The following MACROD2 variants were observed in gnomAD, a reference collection of about 807,000 sequenced individuals.
MACROD2 encodes ADP-ribose glycohydrolase MACROD2.
In MACROD2, 36 loss-of-function variants were observed where a neutral mutation model predicts 70.4. The observed-to-expected ratio is 0.51, with a 90% CI of 0.39 to 0.68. The LOEUF is 0.68. MACROD2 is among the 30% of genes least tolerant of loss of function. The pLI is 0.00. For synonymous variants in MACROD2, 172 were observed against 178.8 expected (o/e 0.96, Z 0.30); for missense variants, 496 against 538.4 (o/e 0.92, Z 0.78).
rs144316697 is a variant in MACROD2, at chr20:15,005,975, T to G, written c.419-223965T>G. 2.6e-3 allele frequency among the ~76,000 whole-genome samples: 397 copies of G among 152,272 alleles called. 2 individuals carry two copies. Among genetic ancestry groups the G allele is most frequent in the African/African-American group, 9.1e-3 (377 of 41,540 alleles). ...TAATGATATAAACTTTTGTAATATA[T>G]AAGGACTCTACCTGACATATCGTCT... On this transcript the variant is annotated intron_variant, in intron 5 of 17. Coordinates refer to ENST00000684519, the MANE Select transcript of MACROD2 (RefSeq NM_001351661.2).
chr20:15,786,100 A>G (rs1464733336), intron 8 of MACROD2, among the ~76,000 whole-genome samples: 1 of 151,974 alleles, frequency 6.6e-6, no homozygotes, highest in Non-Finnish European at 1.5e-5. Context: ...TAACAAAAGG[A>G]GAATAAGATG....
At chr20:14,237,049 G>T (rs2081881326) in intron 3 of MACROD2, among the ~76,000 whole-genome samples, 1 of 151,924 alleles carries the variant, frequency 6.6e-6, no homozygotes, top group Non-Finnish European at 1.5e-5. Flanking sequence ...CCTGGGTATA[G>T]AATTCCTGCT....
chr20:14,183,252 C>T (rs2081319066), intron 3 of MACROD2, among the ~76,000 whole-genome samples: 2 of 151,728 alleles, frequency 1.3e-5, no homozygotes, highest in African/African-American at 2.4e-5. Flanking sequence ...CATCATTTAG[C>T]TCTCACTTAT....
chr20:14,433,923 G>A (rs6135146), intron 3 of MACROD2, among the ~76,000 whole-genome samples: 67,856 of 151,866 alleles, frequency 0.45, 15,806 homozygotes, highest in Non-Finnish European at 0.51. Flanking sequence ...TACATAGTTA[G>A]TGTTGCAATA....
intron 6 of MACROD2, among the ~76,000 whole-genome samples, chr20:15,345,902 G>A (rs2078160489): frequency 6.6e-6 from 1 of 152,078 alleles, no homozygotes; most frequent in South Asian, 2.1e-4. Context: ...CAATGAGTAG[G>A]AGCACTTGCT....
chr20:15,544,099 G>T (rs1241462587), intron 8 of MACROD2, among the ~76,000 whole-genome samples: 1 of 152,158 alleles, frequency 6.6e-6, no homozygotes, highest in Admixed American at 6.5e-5. Flanking sequence ...GGAAGAAGAG[G>T]GAGCATCATG....
intron 5 of MACROD2, among the ~76,000 whole-genome samples, chr20:15,223,654 A>C (rs756149618): frequency 6.6e-6 from 1 of 152,202 alleles, no homozygotes; most frequent in Non-Finnish European, 1.5e-5. Flanking sequence ...GTAAAGTTTT[A>C]ATCATCTCAG....
intron 5 of MACROD2, among the ~76,000 whole-genome samples, chr20:14,929,207 A>G (rs2074268877): frequency 6.6e-6 from 1 of 152,136 alleles, no homozygotes; most frequent in Non-Finnish European, 1.5e-5. Context: ...CAGACCCCAC[A>G]GTTTAAGGAA....
chr20:14,332,668 A>T (rs1039255593), intron 3 of MACROD2, among the ~76,000 whole-genome samples: 5 of 152,160 alleles, frequency 3.3e-5, no homozygotes, highest in African/African-American at 1.2e-4. Flanking sequence ...ACTTTTAAAA[A>T]TATTCAATCT....
chr20:15,105,607 A>G (rs2075904853), intron 5 of MACROD2, among the ~76,000 whole-genome samples: 1 of 152,072 alleles, frequency 6.6e-6, no homozygotes, highest in Non-Finnish European at 1.5e-5. Flanking sequence ...AAATGTTGCC[A>G]TGTTTGGTTT....
chr20:14,522,558 T>C (rs2123180747), intron 4 of MACROD2, among the ~76,000 whole-genome samples: 1 of 152,362 alleles, frequency 6.6e-6, no homozygotes, highest in African/African-American at 2.4e-5. Context: ...CAGAGGCCTT[T>C]GGCCTGTACT....
chr20:15,209,922 C>A (rs543115725), intron 5 of MACROD2, among the ~76,000 whole-genome samples: 2 of 152,146 alleles, frequency 1.3e-5, no homozygotes, highest in South Asian at 4.1e-4. Flanking sequence ...GGATGGTTCT[C>A]CATAGAGTTT....
At chr20:15,989,583 T>G (rs1276202428) in intron 15 of MACROD2, among the ~76,000 whole-genome samples, 1 of 149,982 alleles carries the variant, frequency 6.7e-6, no homozygotes, top group Non-Finnish European at 1.5e-5. Context: ...AAGTAGCAAT[T>G]TTTTTTACTT....
At chr20:14,337,896 A>T (rs1158270201) in intron 3 of MACROD2, among the ~76,000 whole-genome samples, 3 of 152,142 alleles carry the variant, frequency 2.0e-5, no homozygotes, top group African/African-American at 7.2e-5. Flanking sequence ...TATTTTTTTT[A>T]AAAAGCATGT....
At chr20:15,422,883 T>TGAGTG (rs1279790729) in intron 6 of MACROD2, among the ~76,000 whole-genome samples, 7 of 152,212 alleles carry the variant, frequency 4.6e-5, no homozygotes, top group Non-Finnish European at 8.8e-5. Flanking sequence ...CTGTAGCTAG[T>TGAGTG]GAGTGACCTG....
chr20:15,079,237 G>A (rs1601039217), intron 5 of MACROD2, among the ~76,000 whole-genome samples: 1 of 151,822 alleles, frequency 6.6e-6, no homozygotes, highest in South Asian at 2.1e-4. Context: ...CAGTTACAGG[G>A]AATTTTAGCA....
At chr20:15,064,133 G>A (rs2075555674) in intron 5 of MACROD2, among the ~76,000 whole-genome samples, 1 of 152,080 alleles carries the variant, frequency 6.6e-6, no homozygotes, top group Non-Finnish European at 1.5e-5. Flanking sequence ...GAGGGTGGGT[G>A]TATACATCAA....
chr20:14,970,253 A>T (rs962176532), intron 5 of MACROD2, among the ~76,000 whole-genome samples: 1 of 152,096 alleles, frequency 6.6e-6, no homozygotes, highest in African/African-American at 2.4e-5. Context: ...ACACCTGGGG[A>T]TTATGGGAAC....
At chr20:15,465,464 G>A (rs1207408272) in intron 7 of MACROD2, among the ~76,000 whole-genome samples, 2 of 152,258 alleles carry the variant, frequency 1.3e-5, no homozygotes, top group Admixed American at 6.5e-5. Flanking sequence ...TTCTGGCCCA[G>A]GCCGTGAGAC....
Sources: allele counts gnomAD v4.1 joint callset (sites outside exome capture counted in the v4.1 genomes callset), GRCh38; gene constraint gnomAD v4.1.1; transcripts MANE v1.5; gene names NCBI Gene and HGNC (gene_info 2026-07-23, HGNC 2026-07-21).